Variants in CAMTA1 observed in about 807,000 individuals in gnomAD.
CAMTA1 encodes the protein calmodulin-binding transcription activator 1.
In CAMTA1, 27 loss-of-function variants were observed where a neutral mutation model predicts 170.9. The observed-to-expected ratio is 0.16, with a 90% confidence interval of 0.12 to 0.22. The LOEUF (loss-of-function observed/expected upper bound fraction) is 0.22. CAMTA1 is among the 10% of genes least tolerant of loss of function. CAMTA1 has a pLI of 1.00. For synonymous variants in CAMTA1, 833 were observed against 891.5 expected (o/e 0.93, Z 1.17); for missense variants, 1,619 against 2,217.2 (o/e 0.73, Z 5.42).
chr1:7,103,404 CGCACACACACA>C (rs1431682337), intron 4 of CAMTA1, among the ~76,000 whole-genome samples: 6,717 of 139,782 alleles, frequency 0.048, 180 homozygotes, highest in Non-Finnish European at 0.07. Flanking sequence ...CAACTACACA[CGCACACACACA>C]GCACACACAC....
chr1:7,519,336 G>C (rs2094329336), intron 6 of CAMTA1, among the ~76,000 whole-genome samples: 1 of 152,006 alleles, frequency 6.6e-6, no homozygotes, highest in Non-Finnish European at 1.5e-5. Context: ...GAGGAGGGCA[G>C]CTCCTGCTCA....
chr1:7,123,327 G>A (rs1045451703), intron 4 of CAMTA1, among the ~76,000 whole-genome samples: 1 of 151,988 alleles, frequency 6.6e-6, no homozygotes, highest in Non-Finnish European at 1.5e-5. Flanking sequence ...GTCTGCCTCC[G>A]TGTCCAATTC....
At chr1:6,790,444 G>A (rs1404695554) in intron 1 of CAMTA1, among the ~76,000 whole-genome samples, 1 of 151,838 alleles carries the variant, frequency 6.6e-6, no homozygotes, top group Non-Finnish European at 1.5e-5. Flanking sequence ...TAATCTGATT[G>A]TGTAGGCATA....
chr1:7,396,634 G>A (rs1280282384), intron 5 of CAMTA1, among the ~76,000 whole-genome samples: 1 of 152,176 alleles, frequency 6.6e-6, no homozygotes, highest in African/African-American at 2.4e-5. Flanking sequence ...CTGTGTGTTT[G>A]TCATATATGA....
intron 5 of CAMTA1, among the ~76,000 whole-genome samples, chr1:7,274,199 A>G (rs1670252103): frequency 6.6e-6 from 1 of 152,190 alleles, no homozygotes; most frequent in Non-Finnish European, 1.5e-5. Context: ...ATACTCAATG[A>G]CATGCTTTCT....
At chr1:7,683,536 C>A (rs891019299) in intron 11 of CAMTA1, among the ~76,000 whole-genome samples, 2 of 151,910 alleles carry the variant, frequency 1.3e-5, no homozygotes, top group South Asian at 4.2e-4. Context: ...AGAAAGGACG[C>A]CCACCCCACC....
intron 17 of CAMTA1, among the ~76,000 whole-genome samples, chr1:7,745,399 G>A (rs189772758): frequency 2.6e-5 from 4 of 152,190 alleles, no homozygotes; most frequent in African/African-American, 7.2e-5. Flanking sequence ...GGTGATAGGC[G>A]CCTGTAATCC....
At chr1:6,941,684 A>T (rs922988397) in intron 3 of CAMTA1, among the ~76,000 whole-genome samples, 1 of 152,208 alleles carries the variant, frequency 6.6e-6, no homozygotes, top group Non-Finnish European at 1.5e-5. Flanking sequence ...CTCGTCCTTC[A>T]TGGGTGAGAG....
At chr1:6,963,161 C>T (rs1289378410) in intron 3 of CAMTA1, among the ~76,000 whole-genome samples, 1 of 151,344 alleles carries the variant, frequency 6.6e-6, no homozygotes, top group East Asian at 2.0e-4. Flanking sequence ...AGCTCCTTGG[C>T]AGGCTCCAGC....
intron 22 of CAMTA1, 98 bp from the exon 23 acceptor site, chr1:7,766,361 C>T (rs1411637442): frequency 9.0e-7 from 1 of 1,105,294 alleles, no homozygotes; most frequent in African/African-American, 1.6e-5. Flanking sequence ...TTAGTCTTGG[C>T]TTTTCAGTTC....
chr1:7,705,066 G>A (rs1406911926), intron 11 of CAMTA1, among the ~76,000 whole-genome samples: 9 of 150,702 alleles, frequency 6.0e-5, no homozygotes, highest in African/African-American at 2.2e-4. Context: ...TGCGGGGCCA[G>A]GCCGGGAGGG....
intron 4 of CAMTA1, among the ~76,000 whole-genome samples, chr1:7,112,150 G>T (rs79212950): frequency 3.4e-4 from 51 of 152,144 alleles, no homozygotes; most frequent in African/African-American, 1.2e-3. Flanking sequence ...CCAGTGGCAC[G>T]TGCATTTGTT....
intron 11 of CAMTA1, among the ~76,000 whole-genome samples, chr1:7,721,390 G>A (rs538783558): frequency 2.0e-5 from 3 of 152,302 alleles, no homozygotes; most frequent in African/African-American, 7.2e-5. Flanking sequence ...GAGTCATTTT[G>A]AGGATTAGAC....
chr1:7,424,574 G>T (rs1324662423), intron 5 of CAMTA1, among the ~76,000 whole-genome samples: 2 of 152,068 alleles, frequency 1.3e-5, no homozygotes, highest in African/African-American at 2.4e-5. Context: ...CTGAAACTAA[G>T]CCTGTTGGTG....
intron 3 of CAMTA1, among the ~76,000 whole-genome samples, chr1:6,949,859 C>T (rs1162570729): frequency 6.6e-6 from 1 of 152,250 alleles, no homozygotes; most frequent in East Asian, 1.9e-4. Flanking sequence ...GGCCCTTCTG[C>T]GTCATTATCT....
intron 8 of CAMTA1, 61 bp from the exon 9 acceptor site, chr1:7,663,292 A>C: frequency 6.6e-7 from 1 of 1,505,568 alleles, no homozygotes; most frequent in Non-Finnish European, 8.9e-7. Context: ...TTGTGTGTGC[A>C]TGTGTGTGTG....
intron 6 of CAMTA1, among the ~76,000 whole-genome samples, chr1:7,575,970 C>T (rs1336340623): frequency 6.6e-6 from 1 of 152,106 alleles, no homozygotes; most frequent in African/African-American, 2.4e-5. Flanking sequence ...GGAGGCGGGC[C>T]TGACTGCAGG....
At chr1:7,433,583 T>A (rs1327324801) in intron 5 of CAMTA1, among the ~76,000 whole-genome samples, 1 of 152,112 alleles carries the variant, frequency 6.6e-6, no homozygotes, top group African/African-American at 2.4e-5. Flanking sequence ...ACGAGCCAAT[T>A]GATGTACGTG....
chr1:7,536,846 C>T (rs1038080052), intron 6 of CAMTA1, among the ~76,000 whole-genome samples: 1 of 40,934 alleles, frequency 2.4e-5, no homozygotes, highest in Non-Finnish European at 6.8e-5. Context: ...TGAGCTACTC[C>T]CAGGGATCCC....
Sources: allele counts gnomAD v4.1 joint callset (sites outside exome capture counted in the v4.1 genomes callset), GRCh38; gene constraint gnomAD v4.1.1; transcripts MANE v1.5; gene names NCBI Gene and HGNC (gene_info 2026-07-23, HGNC 2026-07-21).